PDE4D: variants seen among roughly 807,000 people sequenced by gnomAD.
PDE4D encodes 3',5'-cyclic-AMP phosphodiesterase 4D.
A neutral mutation model predicts 87.4 loss-of-function variants in PDE4D; 24 were observed. That is an observed-to-expected ratio of 0.27 (90% CI 0.20 to 0.39). PDE4D has a LOEUF of 0.39. Ranked by LOEUF, PDE4D falls within the 10% of genes least tolerant of loss-of-function variation. PDE4D has a pLI of 1.00. For missense variants in PDE4D, 714 were observed against 1,041.0 expected, an observed-to-expected ratio of 0.69 and a Z score of 4.32; for synonymous variants, 384 against 383.2, an observed-to-expected ratio of 1.00 and a Z score of -0.02.
intron 1 of PDE4D, among the ~76,000 whole-genome samples, chr5:59,225,535 A>G (rs1753575279): frequency 6.6e-6 from 1 of 152,204 alleles, no homozygotes; most frequent in Non-Finnish European, 1.5e-5. Flanking sequence ...AAAAAATACC[A>G]TTGGGATTTT....
chr5:59,767,285 A>G (rs1379862365), intron 1 of PDE4D, among the ~76,000 whole-genome samples: 1 of 152,078 alleles, frequency 6.6e-6, no homozygotes, highest in East Asian at 1.9e-4. Context: ...ATCATAATTT[A>G]TACTCATCTT....
intron 1 of PDE4D, among the ~76,000 whole-genome samples, chr5:60,191,928 A>G (rs1392553740): frequency 1.3e-5 from 2 of 152,146 alleles, no homozygotes; most frequent in Non-Finnish European, 2.9e-5. Flanking sequence ...TGAACTCAGG[A>G]GGCAGAGGTT....
chr5:59,743,957 CGATA>C (rs944907446), intron 1 of PDE4D, among the ~76,000 whole-genome samples: 6 of 151,956 alleles, frequency 3.9e-5, no homozygotes, highest in South Asian at 2.1e-4. Context: ...ACAGACAGAT[CGATA>C]GATAGATACA....
chr5:59,308,051 G>A (rs1771769556), intron 1 of PDE4D, among the ~76,000 whole-genome samples: 1 of 152,086 alleles, frequency 6.6e-6, no homozygotes. Flanking sequence ...ATGAGTTCAT[G>A]TCCTTTGTAG....
intron 1 of PDE4D, among the ~76,000 whole-genome samples, chr5:59,272,901 A>G (rs2153542221): frequency 6.6e-6 from 1 of 152,288 alleles, no homozygotes; most frequent in East Asian, 1.9e-4. Context: ...AGAAAAAGGT[A>G]AAGAAGTAAT....
chr5:59,658,157 G>A (rs1422372399), intron 1 of PDE4D, among the ~76,000 whole-genome samples: 1 of 151,882 alleles, frequency 6.6e-6, no homozygotes, highest in African/African-American at 2.4e-5. Context: ...CTCTATGCCA[G>A]GTATAAGGAT....
chr5:59,018,880 T>C (rs1754545719), intron 6 of PDE4D, among the ~76,000 whole-genome samples: 1 of 152,030 alleles, frequency 6.6e-6, no homozygotes, highest in Admixed American at 6.6e-5. Context: ...GTTTCACAGA[T>C]GAGCCTTAAG....
chr5:60,062,463 G>T (rs1771510677), intron 2 of PDE4D, among the ~76,000 whole-genome samples: 1 of 152,104 alleles, frequency 6.6e-6, no homozygotes, highest in Admixed American at 6.6e-5. Context: ...TTTCATTGTT[G>T]GTGGGAATGT....
At chr5:60,086,880 G>T (rs1235879770) in intron 2 of PDE4D, among the ~76,000 whole-genome samples, 1 of 152,204 alleles carries the variant, frequency 6.6e-6, no homozygotes, top group Non-Finnish European at 1.5e-5. Context: ...ATCAGTGGGG[G>T]TGCCATGTTG....
chr5:60,494,302 C>T (rs1423086412), intron 1 of PDE4D, among the ~76,000 whole-genome samples: 2 of 152,188 alleles, frequency 1.3e-5, no homozygotes, highest in Non-Finnish European at 2.9e-5. Context: ...AATTATCTCC[C>T]TCTTCCCCCT....
upstream of PDE4D, among the ~76,000 whole-genome samples, chr5:60,488,953 T>C (rs960389522): frequency 6.6e-6 from 1 of 152,204 alleles, no homozygotes; most frequent in Non-Finnish European, 1.5e-5. Context: ...TTTTCTTGTT[T>C]TCTTTACAAT....
At chr5:60,004,655 G>C (rs528823702) in intron 2 of PDE4D, among the ~76,000 whole-genome samples, 2 of 152,098 alleles carry the variant, frequency 1.3e-5, no homozygotes, top group African/African-American at 4.8e-5. Context: ...TTAAAAATAG[G>C]CAAGGGACTT....
rs150159952 is a variant in PDE4D at position 59,623,246 on chromosome 5, TCTAGTACA to T, written c.455+269914_455+269921del. Among the ~76,000 whole-genome samples, 879 of 152,340 alleles carry T rather than the reference TCTAGTACA, an allele frequency of 5.8e-3. 9 individuals carry two copies. Among genetic ancestry groups the T allele is most frequent in the East Asian group, 0.042 (220 of 5,190 alleles). On this transcript the variant is annotated intron_variant, in intron 1 of 14. Coordinates refer to ENST00000340635, the MANE Select transcript of PDE4D (RefSeq NM_001104631.2). ...CCCTACCCTCTCACTTTCCTGTACC[TCTAGTACA>T]GTGCTGTTCAATCGAATTTTCTGTG...
At chr5:59,016,353 T>G (rs891875133) in intron 6 of PDE4D, among the ~76,000 whole-genome samples, 1 of 102,316 alleles carries the variant, frequency 9.8e-6, no homozygotes, top group East Asian at 2.3e-4. Context: ...ATATCACAGT[T>G]TTTTTTTTTT....
chr5:59,958,120 C>T (rs1490338811), intron 3 of PDE4D, among the ~76,000 whole-genome samples: 1 of 152,016 alleles, frequency 6.6e-6, no homozygotes, highest in Non-Finnish European at 1.5e-5. Flanking sequence ...TGATTTTGTA[C>T]ATTCAAATCA....
At chr5:60,216,177 C>T (rs1743833115) in intron 1 of PDE4D, among the ~76,000 whole-genome samples, 1 of 152,028 alleles carries the variant, frequency 6.6e-6, no homozygotes, top group African/African-American at 2.4e-5. Flanking sequence ...CCACCTTTGG[C>T]CTTAAAACCC....
intron 1 of PDE4D, among the ~76,000 whole-genome samples, chr5:59,725,768 T>C (rs1166265805): frequency 6.6e-6 from 1 of 152,166 alleles, no homozygotes; most frequent in East Asian, 1.9e-4. Flanking sequence ...AGGAAACAAT[T>C]TGAAATCCTA....
intron 1 of PDE4D, among the ~76,000 whole-genome samples, chr5:60,388,024 C>A (rs1762312305): frequency 6.6e-6 from 1 of 152,172 alleles, no homozygotes. Flanking sequence ...AACACTTTTA[C>A]CCTTACCAGT....
chr5:59,145,883 T>A (rs1778566251), intron 5 of PDE4D, among the ~76,000 whole-genome samples: 1 of 152,192 alleles, frequency 6.6e-6, no homozygotes, highest in Non-Finnish European at 1.5e-5. Flanking sequence ...TCCCAGCACT[T>A]TGTGAGGCTG....
Sources: gnomAD v4.1 joint callset for allele counts (sites outside exome capture counted in the v4.1 genomes callset) on GRCh38, gnomAD v4.1.1 for gene constraint, MANE v1.5 for transcripts, NCBI Gene and HGNC (gene_info 2026-07-23, HGNC 2026-07-21) for gene names.